Variants in MEOX2 observed in about 807,000 individuals in gnomAD.
MEOX2 encodes the protein homeobox protein MOX-2.
A neutral mutation model predicts 27.0 loss-of-function variants in MEOX2; 11 were observed. The ratio of observed to expected loss-of-function variants is 0.41; its 90% confidence interval spans 0.26 to 0.68. MEOX2 has a LOEUF of 0.68. Ranked by LOEUF, MEOX2 falls within the 30% of genes least tolerant of loss-of-function variation. MEOX2 has a pLI of 0.33. For synonymous variants in MEOX2, 189 were observed against 155.4 expected, an observed-to-expected ratio of 1.22 and a Z score of -1.61; for missense variants, 436 against 385.4, an observed-to-expected ratio of 1.13 and a Z score of -1.10.
chr7:15,645,367 T>C (rs1392766588), intron 1 of MEOX2, among the ~76,000 whole-genome samples: 1 of 152,156 alleles, frequency 6.6e-6, no homozygotes, highest in African/African-American at 2.4e-5. Flanking sequence ...ATAACAGCTA[T>C]GACAAATCTA....
chr7:15,611,762 A>C lies in MEOX2; in HGVS notation c.*625T>G, dbSNP rs1284307869. The C allele has an allele frequency of 6.5e-6, 1 of 153,170 alleles. No individual in the cohort carries two copies. The highest frequency in any genetic ancestry group is 1.5e-5 in the Non-Finnish European group (1 of 68,490). The allele number at this position is 153,170 out of a possible 1,614,324, so 9.5% of individuals were successfully genotyped here. On this transcript the variant is annotated 3_prime_UTR_variant, in exon 3 of 3. Transcript: ENST00000262041. ...AGACAAGAAACTGGCTCTGGTTGTC[A>C]TTGTGAGTGCCTATTTTCATCAGCT...
At chr7:15,625,477 A>G (rs1304310554) in intron 2 of MEOX2, among the ~76,000 whole-genome samples, 1 of 152,214 alleles carries the variant, frequency 6.6e-6, no homozygotes, top group South Asian at 2.1e-4. Context: ...CCCATAAATA[A>G]CCTACCAAAG....
At chr7:15,649,222 A>C (rs10228856) in intron 1 of MEOX2, among the ~76,000 whole-genome samples, 110,485 of 151,948 alleles carry the variant, frequency 0.73, 40,681 homozygotes, top group East Asian at 0.9. Context: ...TACAGTATTT[A>C]TTGAATGCTT....
chr7:15,613,758 A>C (rs1350974201), intron 2 of MEOX2, among the ~76,000 whole-genome samples: 3 of 152,086 alleles, frequency 2.0e-5, no homozygotes, highest in African/African-American at 7.2e-5. Context: ...AAAAGACTCT[A>C]TTTATTTATT....
intron 1 of MEOX2, chr7:15,682,037 A>C (rs1782299287): frequency 6.6e-6 from 1 of 151,792 alleles, no homozygotes; most frequent in Non-Finnish European, 1.5e-5. Flanking sequence ...TAGAGCCCTC[A>C]TGTAGGTCAA....
chr7:15,640,166 T>C (rs1273412926), intron 1 of MEOX2, among the ~76,000 whole-genome samples: 3 of 152,084 alleles, frequency 2.0e-5, no homozygotes, highest in African/African-American at 7.2e-5. Flanking sequence ...CAGTGCTTTG[T>C]AGTTCTCCTT....
At chr7:15,640,741 C>T (rs1306861841) in intron 1 of MEOX2, among the ~76,000 whole-genome samples, 2 of 152,034 alleles carry the variant, frequency 1.3e-5, no homozygotes, top group African/African-American at 4.8e-5. Context: ...ATGAAGGATG[C>T]TGGATTTTAA....
At chr7:15,666,922 C>A (rs997936444) in intron 1 of MEOX2, among the ~76,000 whole-genome samples, 1 of 150,338 alleles carries the variant, frequency 6.7e-6, no homozygotes, top group African/African-American at 2.5e-5. Flanking sequence ...TTGACAAGGT[C>A]CCTTATGTTT....
intron 1 of MEOX2, chr7:15,680,892 T>C (rs780240292): frequency 5.9e-5 from 9 of 151,788 alleles, no homozygotes; most frequent in Non-Finnish European, 1.0e-4. Context: ...ACTGAAATCA[T>C]TTACCAATAC....
chr7:15,667,277 G>A (rs1459424109), intron 1 of MEOX2, among the ~76,000 whole-genome samples: 1 of 38,916 alleles, frequency 2.6e-5, no homozygotes, highest in East Asian at 1.2e-3. Flanking sequence ...GCAACAGAGT[G>A]AGACTCTGTC....
chr7:15,620,218 TCTTA>T (rs1781199102), intron 2 of MEOX2, among the ~76,000 whole-genome samples: 1 of 152,244 alleles, frequency 6.6e-6, no homozygotes, highest in African/African-American at 2.4e-5. Flanking sequence ...AAATAAAACA[TCTTA>T]CTGTTTCTCT....
chr7:15,662,415 T>C (rs976253406), intron 1 of MEOX2, among the ~76,000 whole-genome samples: 1 of 152,030 alleles, frequency 6.6e-6, no homozygotes, highest in African/African-American at 2.4e-5. Flanking sequence ...AAAATCTGTA[T>C]ACCAAACTGC....
intron 1 of MEOX2, among the ~76,000 whole-genome samples, chr7:15,663,492 C>T (rs1781948443): frequency 8.3e-6 from 1 of 120,816 alleles, no homozygotes; most frequent in African/African-American, 3.1e-5. Flanking sequence ...GCCACCACAC[C>T]CGGCTAATTT....
intron 1 of MEOX2, among the ~76,000 whole-genome samples, chr7:15,650,605 T>G (rs79194391): frequency 0.043 from 6,609 of 152,162 alleles, 220 homozygotes; most frequent in Non-Finnish European, 0.062. Context: ...CCAGTAACTG[T>G]GCAGGGCACA....
At chr7:15,632,830 G>C (rs978633221) in intron 1 of MEOX2, among the ~76,000 whole-genome samples, 1 of 151,904 alleles carries the variant, frequency 6.6e-6, no homozygotes. Context: ...TATGGCTCTT[G>C]CTATAGTCCA....
intron 1 of MEOX2, among the ~76,000 whole-genome samples, chr7:15,627,407 A>G (rs1384321441): frequency 6.6e-6 from 1 of 152,160 alleles, no homozygotes; most frequent in African/African-American, 2.4e-5. Flanking sequence ...ATGTAAAAGT[A>G]TGTGTGTACT....
Position 15,686,298 on chromosome 7 carries a change from A to G in MEOX2, c.105T>C (p.His35=), listed in dbSNP as rs1400227029. 5 of 1,611,424 alleles carry G rather than the reference A, an allele frequency of 3.1e-6. No individual in the cohort carries two copies. The highest frequency in any genetic ancestry group is 1.1e-5 in the South Asian group (1 of 90,488). The part of the protein sequence containing the change: ...SSLALHGRSD[H]MSYPELSTSS... ...AAGTAGAGAGCTCGGGGTAAGACAT[A>G]TGGTCAGATCTTCCATGGAGGGCGA... Residue 35 remains histidine (H), a synonymous_variant, in exon 1 of 3, where the codon CAT becomes CAC. Transcript: ENST00000262041.
chr7:15,673,812 A>T (rs1260842409), intron 1 of MEOX2, among the ~76,000 whole-genome samples: 1 of 152,130 alleles, frequency 6.6e-6, no homozygotes, highest in Non-Finnish European at 1.5e-5. Context: ...GATGTGGAAA[A>T]TCCTGTAGAA....
intron 1 of MEOX2, among the ~76,000 whole-genome samples, chr7:15,653,473 G>A (rs11982768): frequency 0.57 from 85,849 of 151,638 alleles, 25,460 homozygotes; most frequent in East Asian, 0.72. Context: ...GCAAAAACTT[G>A]TAATTTTGAT....
Sources: allele counts gnomAD v4.1 joint callset (sites outside exome capture counted in the v4.1 genomes callset), GRCh38; gene constraint gnomAD v4.1.1; transcripts MANE v1.5; gene names NCBI Gene and HGNC (gene_info 2026-07-23, HGNC 2026-07-21).